The following EIF4G3 variants were observed in gnomAD, a reference collection of about 807,000 sequenced individuals.
EIF4G3 encodes the protein eukaryotic translation initiation factor 4 gamma 3, also known as eIF-4-gamma 3.
EIF4G3 carries 34 observed loss-of-function variants against 186.4 expected under a neutral mutation model. That is an observed-to-expected ratio of 0.18 (90% CI 0.14 to 0.24). EIF4G3 has a LOEUF of 0.24. Ranked by LOEUF, EIF4G3 falls within the 10% of genes least tolerant of loss-of-function variation. EIF4G3 has a pLI of 1.00. For synonymous variants in EIF4G3, 673 were observed against 679.5 expected, an observed-to-expected ratio of 0.99 and a Z score of 0.15; for missense variants, 1,536 against 1,948.5, an observed-to-expected ratio of 0.79 and a Z score of 3.99.
chr1:21,002,833 A>T (rs757276409), intron 4 of EIF4G3, 25 bp from the exon 5 acceptor site: 5 of 1,392,356 alleles, frequency 3.6e-6, no homozygotes, highest in Non-Finnish European at 5.0e-6. Flanking sequence ...CAAGAACAAT[A>T]TAATATTTTG....
intron 14 of EIF4G3, among the ~76,000 whole-genome samples, chr1:20,935,033 G>A (rs749801856): frequency 2.0e-5 from 3 of 152,130 alleles, no homozygotes; most frequent in Non-Finnish European, 4.4e-5. Context: ...TGACTGACAC[G>A]CAGTAGGCCT....
chr1:20,846,237 G>A (rs1029101394), intron 29 of EIF4G3, among the ~76,000 whole-genome samples: 1 of 152,090 alleles, frequency 6.6e-6, no homozygotes, highest in African/African-American at 2.4e-5. Flanking sequence ...CTGCAAACAG[G>A]GAGAGTTTGA....
chr1:20,927,765 T>C (rs144954900), intron 14 of EIF4G3, among the ~76,000 whole-genome samples: 29 of 152,326 alleles, frequency 1.9e-4, no homozygotes, highest in Non-Finnish European at 2.9e-4. Context: ...TCCCTTATGT[T>C]CTGATCATGA....
chr1:20,876,933 T>A (rs1047902915), intron 20 of EIF4G3, among the ~76,000 whole-genome samples: 1 of 152,190 alleles, frequency 6.6e-6, no homozygotes, highest in Non-Finnish European at 1.5e-5. Flanking sequence ...TGAGCTATGA[T>A]CATGCTACTG....
intron 30 of EIF4G3, among the ~76,000 whole-genome samples, chr1:20,836,378 A>C (rs1381071373): frequency 6.6e-6 from 1 of 152,026 alleles, no homozygotes; most frequent in African/African-American, 2.4e-5. Context: ...AAGTAGCTGT[A>C]ATTATTGGCA....
Position 21,158,988 on chromosome 1 carries a change from CAAAAAAAGA to C in EIF4G3, c.-272+17178_-272+17186del, listed in dbSNP as rs1455921867. On this transcript the variant is annotated intron_variant, in intron 2 of 36. Coordinates refer to ENST00000602326, the MANE Select transcript of EIF4G3 (RefSeq NM_001391906.1). ...CAGATTTGAGGCACAAAAAAAAGGGCAAAAAAAGAAAAAAAAGAAAAAAAAACCTTCTAC... is the reference window on the plus strand; with the variant it reads ...CAGATTTGAGGCACAAAAAAAAGGGCAAAAAAAGAAAAAAAAACCTTCTAC... Among the ~76,000 whole-genome samples the C allele has an allele frequency of 2.5e-3, 366 of 147,684 alleles. 7 individuals are homozygous for C. The highest frequency in any genetic ancestry group is 0.019 in the Admixed American group (279 of 14,898).
rs572615426 is a variant in EIF4G3, at chr1:20,981,219, C to G, written c.207G>C (p.Gln69His). The stretch of plus-strand genomic sequence containing the variant: ...CTCTAGGAGGCTGTATTTGAGGCCT[C>G]TGGAAAAACTGGGAAGGGGAGAAAA... ...QGGFRPIQFF[Q>H]RPQIQPPRAT... The change falls in exon 9 of 37, where the codon CAG (glutamine) becomes CAC (histidine). Residue 69 changes from glutamine (Q) to histidine (H), a missense_variant. Transcript: ENST00000602326. 1 of 1,578,082 alleles carries G rather than the reference C, an allele frequency of 6.3e-7. No homozygotes were observed. The highest frequency in any genetic ancestry group is 1.4e-5 in the African/African-American group (1 of 72,502).
intron 2 of EIF4G3, among the ~76,000 whole-genome samples, chr1:21,144,184 T>C (rs891172290): frequency 6.6e-6 from 1 of 152,210 alleles, no homozygotes; most frequent in African/African-American, 2.4e-5. Context: ...CAAGTATCTA[T>C]GGGTAATCTT....
In EIF4G3 at chr1:20,921,409, C is replaced by T. The variant is rs115303901; in HGVS notation, c.1664-16438G>A. Among the ~76,000 whole-genome samples, 786 of 152,230 alleles carry T rather than the reference C, an allele frequency of 5.2e-3. 7 individuals are homozygous for T. Among genetic ancestry groups the T allele is most frequent in the African/African-American group, 0.018 (755 of 41,534 alleles). ...CATTAATCTGAATGCAGTGTTGAAGCGGTGTATCAGCTTAACCAACAGTGT... is the reference window on the plus strand; with the variant it reads ...CATTAATCTGAATGCAGTGTTGAAGTGGTGTATCAGCTTAACCAACAGTGT... On this transcript the variant is annotated intron_variant, in intron 14 of 36. Transcript: ENST00000602326.
chr1:21,012,514 A>G (rs138474166), intron 4 of EIF4G3, among the ~76,000 whole-genome samples: 1 of 152,256 alleles, frequency 6.6e-6, no homozygotes, highest in Non-Finnish European at 1.5e-5. Context: ...ACGATGATCC[A>G]GGTCCACATC....
chr1:21,133,226 T>G (rs1047077372), intron 2 of EIF4G3, among the ~76,000 whole-genome samples: 1 of 152,190 alleles, frequency 6.6e-6, no homozygotes, highest in East Asian at 1.9e-4. Context: ...TTCCAAAGCC[T>G]TCTTTCTTTT....
chr1:21,023,313 T>G (rs1401285865), intron 4 of EIF4G3, among the ~76,000 whole-genome samples: 1 of 133,220 alleles, frequency 7.5e-6, no homozygotes, highest in Non-Finnish European at 1.6e-5. Flanking sequence ...CTCCCTCTCA[T>G]GCGGAGCCAA....
chr1:20,900,474 T>C (rs2089903786), intron 15 of EIF4G3, among the ~76,000 whole-genome samples: 1 of 150,862 alleles, frequency 6.6e-6, no homozygotes, highest in African/African-American at 2.4e-5. Context: ...GTTCTTAGAC[T>C]TCTCTGAGGC....
chr1:20,965,800 G>A (rs755231378), intron 12 of EIF4G3, among the ~76,000 whole-genome samples: 13 of 148,378 alleles, frequency 8.8e-5, no homozygotes, highest in East Asian at 1.9e-4. Flanking sequence ...TATTCATTGC[G>A]CACCAGGCAC....
At chr1:20,951,141 T>C (rs542916903) in intron 12 of EIF4G3, among the ~76,000 whole-genome samples, 1 of 151,964 alleles carries the variant, frequency 6.6e-6, no homozygotes, top group African/African-American at 2.4e-5. Context: ...ACAGAGACAC[T>C]TAAAAAGTGA....
chr1:20,981,576 ATAC>A (rs2078064978), intron 8 of EIF4G3, among the ~76,000 whole-genome samples: 2 of 138,840 alleles, frequency 1.4e-5, no homozygotes, highest in Non-Finnish European at 3.1e-5. Flanking sequence ...GTATACGCAC[ATAC>A]TGTATGTATA....
chr1:20,814,814 G>C (rs1359712070), intron 34 of EIF4G3, among the ~76,000 whole-genome samples: 4 of 84,854 alleles, frequency 4.7e-5, no homozygotes, highest in Non-Finnish European at 6.8e-5. Context: ...CTCCTTCCAC[G>C]GTCTCCCTCT....
At chr1:20,884,649 A>G (rs933045779) in intron 19 of EIF4G3, among the ~76,000 whole-genome samples, 2 of 152,174 alleles carry the variant, frequency 1.3e-5, no homozygotes, top group Admixed American at 1.3e-4. Flanking sequence ...CAGCAATGTG[A>G]TGAAGGATGT....
At chr1:20,981,776 T>C (rs1372278083) in intron 8 of EIF4G3, among the ~76,000 whole-genome samples, 1 of 151,666 alleles carries the variant, frequency 6.6e-6, no homozygotes, top group African/African-American at 2.4e-5. Flanking sequence ...ATACTGTATA[T>C]ATACATACAT....
Sources: allele counts gnomAD v4.1 joint callset (sites outside exome capture counted in the v4.1 genomes callset), GRCh38; gene constraint gnomAD v4.1.1; transcripts MANE v1.5; gene names NCBI Gene and HGNC (gene_info 2026-07-23, HGNC 2026-07-21).